The following IL1RAPL2 variants were observed in gnomAD, a reference collection of about 807,000 sequenced individuals.
The protein encoded by IL1RAPL2 is X-linked interleukin-1 receptor accessory protein-like 2.
In IL1RAPL2, 3 loss-of-function variants were observed where a neutral mutation model predicts 44.1. That is an observed-to-expected ratio of 0.07 (90% confidence interval 0.03 to 0.18). The LOEUF (loss-of-function observed/expected upper bound fraction) is 0.18. Among genes scored for constraint, IL1RAPL2 ranks in the 10% least tolerant of loss-of-function variants. The pLI, the probability that IL1RAPL2 is intolerant of heterozygous loss-of-function variation, is 1.00. For missense variants in IL1RAPL2, 391 were observed against 496.4 expected (o/e 0.79, Z 2.02); for synonymous variants, 181 against 178.8 (o/e 1.01, Z -0.10).
chrX:105,183,248 G>T (rs1048104580), intron 2 of IL1RAPL2, among the ~76,000 whole-genome samples: 3 of 111,286 alleles, frequency 2.7e-5, no homozygotes, highest in Non-Finnish European at 5.7e-5. Context: ...GAGTAGGCGG[G>T]GGGGCAATGG....
At chrX:104,868,370 G>C (rs759686195) in intron 2 of IL1RAPL2, among the ~76,000 whole-genome samples, 1 of 111,985 alleles carries the variant, frequency 8.9e-6, no homozygotes, top group Non-Finnish European at 1.9e-5. Context: ...TGATGGGATA[G>C]GTTATTCTTT....
intron 7 of IL1RAPL2, among the ~76,000 whole-genome samples, chrX:105,735,031 A>G (rs754493532): frequency 9.0e-6 from 1 of 111,607 alleles, no homozygotes; most frequent in East Asian, 2.8e-4. Context: ...CTGGGGCAGA[A>G]GTTTGCCCTG....
chrX:105,635,250 T>C lies in IL1RAPL2; in HGVS notation c.773-82117T>C, dbSNP rs747910970. 2.7e-5 allele frequency among the ~76,000 whole-genome samples: 3 copies of C among 111,619 alleles called. No homozygotes were observed. The South Asian group carries it at 1.1e-3, about 42-fold the overall frequency. ...AAAGACGATGAGCATGGCTGACACA[T>C]GCGATAACCTTGCTCCTGAATTTCA... is the stretch of plus-strand genomic sequence containing the variant. On this transcript the variant is annotated intron_variant, in intron 6 of 10. Transcript: ENST00000372582.
At chrX:104,793,628 G>T (rs942371110) in intron 2 of IL1RAPL2, among the ~76,000 whole-genome samples, 9 of 112,008 alleles carry the variant, frequency 8.0e-5, no homozygotes, top group African/African-American at 2.9e-4. Context: ...TTGGATGATA[G>T]AAATTATAGT....
intron 1 of IL1RAPL2, among the ~76,000 whole-genome samples, chrX:104,593,701 T>C (rs779235587): frequency 4.5e-5 from 5 of 112,337 alleles, no homozygotes; most frequent in Non-Finnish European, 1.9e-5. Flanking sequence ...TTTTGTTTTA[T>C]GCTACAGTTA....
intron 6 of IL1RAPL2, among the ~76,000 whole-genome samples, chrX:105,603,877 A>G (rs375556920): frequency 8.9e-6 from 1 of 111,955 alleles, no homozygotes; most frequent in East Asian, 2.8e-4. Flanking sequence ...GAAATTGTAT[A>G]AACAAATAGA....
At chrX:104,761,016 C>A (rs1477500500) in intron 2 of IL1RAPL2, among the ~76,000 whole-genome samples, 2 of 111,409 alleles carry the variant, frequency 1.8e-5, no homozygotes, top group Non-Finnish European at 3.8e-5. Context: ...GTTTTCCCAG[C>A]AGAATTTATC....
chrX:104,598,355 C>T (rs763912493), intron 1 of IL1RAPL2, among the ~76,000 whole-genome samples: 1 of 111,866 alleles, frequency 8.9e-6, no homozygotes, highest in South Asian at 3.8e-4. Context: ...AGCTCCATGG[C>T]ATGAAAACTA....
At position 105,488,855 on chromosome X, in the gene IL1RAPL2, G is replaced by A. The variant is rs777432260; in HGVS notation, c.772+4468G>A. 3.6e-5 allele frequency among the ~76,000 whole-genome samples: 4 copies of A among 111,920 alleles called. No homozygotes were observed. The South Asian group carries it at 1.5e-3, about 41-fold the overall frequency. On this transcript the variant is annotated intron_variant, in intron 6 of 10. Coordinates refer to ENST00000372582, the MANE Select transcript of IL1RAPL2 (RefSeq NM_017416.2). ...GAAATAAATACTTTTCATGCATGGA[G>A]TTGGCATCAGTACAGATATTTTGTT...
At chrX:105,004,040 A>G (rs919084013) in intron 2 of IL1RAPL2, among the ~76,000 whole-genome samples, 5 of 111,063 alleles carry the variant, frequency 4.5e-5, no homozygotes, top group African/African-American at 1.6e-4. Flanking sequence ...CAGACATGTC[A>G]CTCCTGAGAT....
At chrX:104,810,495 T>C (rs1250508813) in intron 2 of IL1RAPL2, among the ~76,000 whole-genome samples, 1 of 111,404 alleles carries the variant, frequency 9.0e-6, no homozygotes, top group Non-Finnish European at 1.9e-5. Context: ...AAAATTTAAG[T>C]GTATAATCCA....
intron 6 of IL1RAPL2, among the ~76,000 whole-genome samples, chrX:105,509,640 A>G (rs1170037759): frequency 9.0e-6 from 1 of 111,455 alleles, no homozygotes; most frequent in Middle Eastern, 4.2e-3. Context: ...CAAAGGGGAG[A>G]TCAATGATTA....
intron 6 of IL1RAPL2, among the ~76,000 whole-genome samples, chrX:105,665,595 CAGATT>C (rs2037754690): frequency 9.0e-6 from 1 of 111,080 alleles, no homozygotes; most frequent in Admixed American, 9.5e-5. Flanking sequence ...TTCATTTTGA[CAGATT>C]AGAAGAGATT....
At chrX:104,998,471 G>T (rs1455582624) in intron 2 of IL1RAPL2, among the ~76,000 whole-genome samples, 2 of 111,416 alleles carry the variant, frequency 1.8e-5, no homozygotes, top group Non-Finnish European at 3.8e-5. Context: ...CTGTGTGTTT[G>T]TTTTATTAAA....
chrX:104,767,329 A>C (rs1415765436), intron 2 of IL1RAPL2, among the ~76,000 whole-genome samples: 1 of 111,959 alleles, frequency 8.9e-6, no homozygotes, highest in Non-Finnish European at 1.9e-5. Context: ...CTTTGACTAA[A>C]AGGGATATTT....
chrX:104,916,197 A>G (rs746205460), intron 2 of IL1RAPL2, among the ~76,000 whole-genome samples: 10 of 111,958 alleles, frequency 8.9e-5, no homozygotes, highest in Admixed American at 8.5e-4. Flanking sequence ...CTTCCTACCC[A>G]TGAGCATGGA....
chrX:105,144,549 C>T (rs1032083877), intron 2 of IL1RAPL2, among the ~76,000 whole-genome samples: 1 of 111,382 alleles, frequency 9.0e-6, no homozygotes, highest in Admixed American at 9.6e-5. Context: ...GCCTTAGTAA[C>T]TATCTTCTGT....
chrX:105,032,082 T>G (rs1244263937), intron 2 of IL1RAPL2, among the ~76,000 whole-genome samples: 1 of 111,753 alleles, frequency 8.9e-6, no homozygotes, highest in Non-Finnish European at 1.9e-5. Flanking sequence ...ATCCCCTTTA[T>G]CATTTTTTAT....
In IL1RAPL2 at chrX:105,595,981, G is replaced by A. The variant is rs904862985; in HGVS notation, c.772+111594G>A. Among the ~76,000 whole-genome samples, 3 of 110,469 alleles carry A rather than the reference G, an allele frequency of 2.7e-5. No homozygotes were observed. The Admixed American group carries it at 2.9e-4, about 11-fold the overall frequency. On this transcript the variant is annotated intron_variant, in intron 6 of 10. Transcript: ENST00000372582. ...TTTCCGATCCTTTTTCTTTTCATACGCAACCATTTTAATATCTCCACTTTC... is the reference window on the plus strand; with the variant it reads ...TTTCCGATCCTTTTTCTTTTCATACACAACCATTTTAATATCTCCACTTTC...
Sources: allele counts gnomAD v4.1 joint callset (sites outside exome capture counted in the v4.1 genomes callset), GRCh38; gene constraint gnomAD v4.1.1; transcripts MANE v1.5; gene names NCBI Gene and HGNC (gene_info 2026-07-23, HGNC 2026-07-21).